NELL1: variants seen among roughly 807,000 people sequenced by gnomAD.
NELL1 encodes the protein protein kinase C-binding protein NELL1.
In NELL1, 76 loss-of-function variants were observed where a neutral mutation model predicts 107.4. The observed-to-expected ratio is 0.71, with a 90% CI of 0.59 to 0.86. The LOEUF is 0.86. Ranked by LOEUF, NELL1 falls within the 40% of genes least tolerant of loss-of-function variation. The pLI is 0.00. For missense variants in NELL1, 1,024 were observed against 1,005.5 expected (o/e 1.02, Z -0.25); for synonymous variants, 353 against 341.2 (o/e 1.03, Z -0.38).
intron 3 of NELL1, among the ~76,000 whole-genome samples, chr11:20,828,797 G>A (rs865775407): frequency 5.3e-5 from 8 of 152,150 alleles, no homozygotes; most frequent in African/African-American, 1.7e-4. Flanking sequence ...TTCTGCAACT[G>A]TGACAGGTAG....
chr11:21,535,527 G>A (rs1482615768), intron 16 of NELL1, among the ~76,000 whole-genome samples: 1 of 152,086 alleles, frequency 6.6e-6, no homozygotes, highest in African/African-American at 2.4e-5. Context: ...CAGAACAATG[G>A]CCACGTGGCA....
At chr11:21,409,713 A>G (rs1852328801) in intron 15 of NELL1, among the ~76,000 whole-genome samples, 1 of 152,032 alleles carries the variant, frequency 6.6e-6, no homozygotes, top group Non-Finnish European at 1.5e-5. Flanking sequence ...TTATAAGGCT[A>G]TTACATTGAC....
At chr11:21,061,723 C>T (rs764804076) in intron 12 of NELL1, among the ~76,000 whole-genome samples, 29 of 152,014 alleles carry the variant, frequency 1.9e-4, no homozygotes, top group Admixed American at 3.3e-4. Flanking sequence ...ATTTTGCTGT[C>T]GGTGGTAGAG....
intron 14 of NELL1, among the ~76,000 whole-genome samples, chr11:21,233,471 C>G (rs779307366): frequency 2.0e-5 from 3 of 152,038 alleles, no homozygotes; most frequent in Non-Finnish European, 4.4e-5. Flanking sequence ...TTAACTCTCT[C>G]CCTCACACAT....
chr11:20,795,790 T>C (rs1052195935), intron 3 of NELL1, among the ~76,000 whole-genome samples: 14 of 152,200 alleles, frequency 9.2e-5, no homozygotes, highest in African/African-American at 3.4e-4. Flanking sequence ...CCTTTTTTTT[T>C]TAAACAAAAT....
intron 7 of NELL1, among the ~76,000 whole-genome samples, chr11:20,921,805 T>TC (rs1436701268): frequency 6.6e-6 from 1 of 150,916 alleles, no homozygotes; most frequent in African/African-American, 2.4e-5. Context: ...TGTGTTTTTT[T>TC]TTTTTTTTTA....
intron 15 of NELL1, among the ~76,000 whole-genome samples, chr11:21,436,418 A>C (rs182468554): frequency 1.3e-5 from 2 of 152,186 alleles, no homozygotes; most frequent in Admixed American, 1.3e-4. Flanking sequence ...TAGGTTTTCT[A>C]ATTTGTTGGC....
At chr11:21,267,314 T>C (rs1010657720) in intron 14 of NELL1, among the ~76,000 whole-genome samples, 1 of 152,156 alleles carries the variant, frequency 6.6e-6, no homozygotes, top group African/African-American at 2.4e-5. Flanking sequence ...AAAATGATAA[T>C]TTAAAAATTA....
intron 13 of NELL1, among the ~76,000 whole-genome samples, chr11:21,178,478 A>G (rs549206767): frequency 6.6e-4 from 100 of 151,762 alleles, no homozygotes; most frequent in Non-Finnish European, 1.1e-3. Flanking sequence ...CAATTATAAA[A>G]TTCTTTGGGT....
intron 15 of NELL1, among the ~76,000 whole-genome samples, chr11:21,484,608 A>G (rs1480585336): frequency 6.6e-6 from 1 of 152,014 alleles, no homozygotes; most frequent in Non-Finnish European, 1.5e-5. Flanking sequence ...AGTAGATGAT[A>G]TGCATACATA....
At chr11:21,407,708 T>C (rs1440173897) in intron 15 of NELL1, among the ~76,000 whole-genome samples, 3 of 150,498 alleles carry the variant, frequency 2.0e-5, no homozygotes, top group Non-Finnish European at 4.4e-5. Context: ...TTTTTTTTTT[T>C]ACCTCATCTC....
intron 2 of NELL1, among the ~76,000 whole-genome samples, chr11:20,689,913 G>A (rs1158792715): frequency 2.6e-5 from 4 of 151,012 alleles, no homozygotes; most frequent in African/African-American, 7.3e-5. Flanking sequence ...CAGTGTAAAA[G>A]TGTTCCTATT....
At chr11:20,836,271 CAA>C (rs57421402) in intron 3 of NELL1, among the ~76,000 whole-genome samples, 4,327 of 123,266 alleles carry the variant, frequency 0.035, 73 homozygotes, top group Middle Eastern at 0.066. Flanking sequence ...GGGTAAAATC[CAA>C]AAAAAAAAAA....
intron 12 of NELL1, among the ~76,000 whole-genome samples, chr11:21,101,930 G>A (rs958107156): frequency 1.8e-4 from 28 of 152,120 alleles, no homozygotes; most frequent in African/African-American, 6.3e-4. Context: ...GAGCAGTGGC[G>A]TGATCTTGGC....
chr11:20,790,369 A>C (rs1392910762), intron 3 of NELL1, among the ~76,000 whole-genome samples: 1 of 152,158 alleles, frequency 6.6e-6, no homozygotes, highest in African/African-American at 2.4e-5. Context: ...GTATGTGCAC[A>C]CCCAGCCAGG....
intron 5 of NELL1, among the ~76,000 whole-genome samples, chr11:20,886,593 T>G (rs1268943327): frequency 6.6e-6 from 1 of 152,166 alleles, no homozygotes; most frequent in Non-Finnish European, 1.5e-5. Flanking sequence ...TTCTTTTTTA[T>G]TTTTAAAAAA....
In NELL1 at chr11:21,316,838, T is replaced by C. The variant is rs118093649; in HGVS notation, c.1550-54015T>C. Reference sequence around the variant, plus strand: ...TGTGGGTAGGGCTTCCTCCTGGAGGTAGAGCTGGGGAAGAGGCAGGGAAAG... The same window carrying C: ...TGTGGGTAGGGCTTCCTCCTGGAGGCAGAGCTGGGGAAGAGGCAGGGAAAG... On this transcript the variant is annotated intron_variant, in intron 14 of 19. Coordinates refer to ENST00000357134, the MANE Select transcript of NELL1 (RefSeq NM_006157.5). 2.1e-3 allele frequency among the ~76,000 whole-genome samples: 316 copies of C among 152,010 alleles called. 1 individual carries two copies. Among genetic ancestry groups the C allele is most frequent in the East Asian group, 0.011 (55 of 5,162 alleles).
At chr11:21,223,256 A>G (rs188838128) in intron 13 of NELL1, among the ~76,000 whole-genome samples, 1 of 152,024 alleles carries the variant, frequency 6.6e-6, no homozygotes, top group African/African-American at 2.4e-5. Flanking sequence ...TGCTGGATGC[A>G]TGTGTATTTA....
At chr11:21,303,110 A>ATATCTATGTCTT in intron 14 of NELL1, among the ~76,000 whole-genome samples, 1 of 136,578 alleles carries the variant, frequency 7.3e-6, no homozygotes, top group Non-Finnish European at 1.6e-5. Context: ...ATCTATATCT[A>ATATCTATGTCTT]TATCTATCTT....
Sources: allele counts gnomAD v4.1 joint callset (sites outside exome capture counted in the v4.1 genomes callset), GRCh38; gene constraint gnomAD v4.1.1; transcripts MANE v1.5; gene names NCBI Gene and HGNC (gene_info 2026-07-23, HGNC 2026-07-21).